The following CDH4 variants were observed in gnomAD, a reference collection of about 807,000 sequenced individuals.
CDH4 encodes cadherin 4, also known as cadherin-4.
In CDH4, 33 loss-of-function variants were observed where a neutral mutation model predicts 86.0. The observed-to-expected ratio is 0.38, with a 90% CI of 0.29 to 0.51. The LOEUF (loss-of-function observed/expected upper bound fraction) is 0.51. CDH4 is among the 20% of genes least tolerant of loss of function. The pLI is 0.86. For missense variants in CDH4, 1,114 were observed against 1,307.4 expected (o/e 0.85, Z 2.28); for synonymous variants, 555 against 549.4 (o/e 1.01, Z -0.14).
chr20:61,883,807 G>A (rs1462760059), intron 7 of CDH4, among the ~76,000 whole-genome samples: 2 of 152,192 alleles, frequency 1.3e-5, no homozygotes, highest in African/African-American at 4.8e-5. Context: ...CAGACATCTA[G>A]ACTCTTCTAA....
At chr20:61,519,966 C>G (rs930381264) in intron 2 of CDH4, among the ~76,000 whole-genome samples, 7 of 152,192 alleles carry the variant, frequency 4.6e-5, no homozygotes, top group Non-Finnish European at 8.8e-5. Context: ...GCCCTGTTCC[C>G]CGAAAGGCTC....
intron 2 of CDH4, among the ~76,000 whole-genome samples, chr20:61,514,892 C>T (rs1387085643): frequency 6.6e-6 from 1 of 152,154 alleles, no homozygotes; most frequent in East Asian, 1.9e-4. Flanking sequence ...GGGCGGCAGC[C>T]ATGGGGTGGG....
chr20:61,824,396 C>T (rs1217242544), intron 4 of CDH4, among the ~76,000 whole-genome samples: 3 of 151,132 alleles, frequency 2.0e-5, no homozygotes, highest in Non-Finnish European at 4.4e-5. Context: ...CCAACCCCAG[C>T]GACATGAATT....
At chr20:61,702,504 G>C (rs987049822) in intron 2 of CDH4, among the ~76,000 whole-genome samples, 1 of 152,244 alleles carries the variant, frequency 6.6e-6, no homozygotes, top group Admixed American at 6.5e-5. Context: ...TTCGCACTGT[G>C]TGTTGTTACG....
At chr20:61,499,126 C>A (rs2085682447) in intron 2 of CDH4, among the ~76,000 whole-genome samples, 1 of 152,220 alleles carries the variant, frequency 6.6e-6, no homozygotes, top group Non-Finnish European at 1.5e-5. Flanking sequence ...CACCCAGGTC[C>A]CTCCTGAGCC....
In CDH4 at chr20:61,917,906, C is replaced by G. The variant is rs1383256988; in HGVS notation, c.1375-5545C>G. On this transcript the variant is annotated intron_variant, in intron 9 of 15. Coordinates refer to ENST00000614565, the MANE Select transcript of CDH4 (RefSeq NM_001794.5). ...AAGGCCTCCTTGCTCAGGCTGGTGACACGATTTTTTAACGCATGACATGCA... is the reference window on the plus strand; with the variant it reads ...AAGGCCTCCTTGCTCAGGCTGGTGAGACGATTTTTTAACGCATGACATGCA... 3.3e-5 allele frequency among the ~76,000 whole-genome samples: 5 copies of G among 152,244 alleles called. 1 individual carries two copies. Among genetic ancestry groups the G allele is most frequent in the African/African-American group, 1.2e-4 (5 of 41,462 alleles).
Position 61,933,060 on chromosome 20 carries a change from C to A in CDH4, c.2315C>A (p.Pro772His). 1 of 1,613,272 alleles carries A rather than the reference C, an allele frequency of 6.2e-7. No individual in the cohort carries two copies. Among genetic ancestry groups the A allele is most frequent in the Non-Finnish European group, 8.5e-7 (1 of 1,180,030 alleles). Residue 772 changes from proline to histidine, a missense_variant, in exon 14 of 16, where the codon CCC (proline) becomes CAC (histidine). Physicochemically the swap from Pro to His is moderately conservative, Grantham distance 77. Transcript: ENST00000614565. ...ERHTKQLLIDPEDDVRDNILK... is the reference protein window; with the variant it reads ...ERHTKQLLIDHEDDVRDNILK... ...CACACGAAGCAGCTGCTCATTGACC[C>A]CGAGGACGACGTCCGCGACAACATC...
chr20:61,934,329 T>A (rs3827115), intron 15 of CDH4, 109 bp downstream of exon 15: 283,049 of 1,242,638 alleles, frequency 0.23, 33,277 homozygotes, highest in Middle Eastern at 0.29. Flanking sequence ...CTGCCGTGGG[T>A]GGGAGGCAGC....
chr20:61,693,497 G>A (rs531234937), intron 2 of CDH4, among the ~76,000 whole-genome samples: 273 of 152,362 alleles, frequency 1.8e-3, no homozygotes, highest in Non-Finnish European at 2.0e-3. Flanking sequence ...CAAGGCCGAA[G>A]GCACTGGTCA....
chr20:61,351,241 A>C (rs1432715791), intron 2 of CDH4, among the ~76,000 whole-genome samples: 1 of 152,050 alleles, frequency 6.6e-6, no homozygotes, highest in Non-Finnish European at 1.5e-5. Flanking sequence ...ACATGGACAG[A>C]TTTTTTCTTG....
chr20:61,719,873 A>C (rs1395869827), intron 2 of CDH4: 2 of 152,176 alleles, frequency 1.3e-5, no homozygotes, highest in Non-Finnish European at 2.9e-5. Context: ...CTGACTGTTG[A>C]GATGAAGGCG....
intron 2 of CDH4, among the ~76,000 whole-genome samples, chr20:61,634,306 A>G (rs1276476810): frequency 1.3e-5 from 2 of 152,072 alleles, no homozygotes; most frequent in Admixed American, 6.5e-5. Flanking sequence ...CACACGCAGC[A>G]CCTTCCGAGC....
At chr20:61,412,730 T>G (rs893523879) in intron 2 of CDH4, among the ~76,000 whole-genome samples, 1 of 152,220 alleles carries the variant, frequency 6.6e-6, no homozygotes, top group Non-Finnish European at 1.5e-5. Flanking sequence ...CCCCAGAAGC[T>G]TTGGGACTGC....
At chr20:61,403,815 AG>A (rs2085063893) in intron 2 of CDH4, among the ~76,000 whole-genome samples, 2 of 152,238 alleles carry the variant, frequency 1.3e-5, no homozygotes, top group South Asian at 4.2e-4. Context: ...CCAAACTGAG[AG>A]GGGAAATCAA....
chr20:61,644,885 G>A (rs2087046234), intron 2 of CDH4, among the ~76,000 whole-genome samples: 1 of 152,196 alleles, frequency 6.6e-6, no homozygotes. Flanking sequence ...ATCCAAAACA[G>A]AGAAGCATTT....
chr20:61,725,428 T>G (rs2088098868), intron 2 of CDH4, among the ~76,000 whole-genome samples: 1 of 152,204 alleles, frequency 6.6e-6, no homozygotes. Flanking sequence ...GGCTTCGCGC[T>G]GCCTGGGAGC....
chr20:61,815,492 G>A (rs1980670133), intron 4 of CDH4, among the ~76,000 whole-genome samples: 1 of 152,176 alleles, frequency 6.6e-6, no homozygotes, highest in Non-Finnish European at 1.5e-5. Flanking sequence ...GGCCCAGGGA[G>A]GCTCCGGGAG....
chr20:61,492,010 G>T (rs1212064242), intron 2 of CDH4, among the ~76,000 whole-genome samples: 1 of 151,436 alleles, frequency 6.6e-6, no homozygotes, highest in Admixed American at 6.6e-5. Flanking sequence ...GATGTTGGTG[G>T]TGTCAATATT....
intron 2 of CDH4, among the ~76,000 whole-genome samples, chr20:61,648,660 G>A (rs756657928): frequency 2.4e-4 from 36 of 152,342 alleles, no homozygotes; most frequent in African/African-American, 7.0e-4. Flanking sequence ...GGCGAGAAGA[G>A]CTGCTGGCTG....
Sources: allele counts gnomAD v4.1 joint callset (sites outside exome capture counted in the v4.1 genomes callset), GRCh38; gene constraint gnomAD v4.1.1; transcripts MANE v1.5; gene names NCBI Gene and HGNC (gene_info 2026-07-23, HGNC 2026-07-21).